The following GADL1 variants were observed in gnomAD, a reference collection of about 807,000 sequenced individuals.
GADL1 encodes the protein GAD like acidic amino acid decarboxylase 1.
Under a neutral mutation model 69.5 loss-of-function variants are expected in GADL1, and 71 were observed. That is an observed-to-expected ratio of 1.02 (90% CI 0.84 to 1.25). GADL1 has a LOEUF of 1.25. GADL1 is among the 50% of genes most tolerant of loss of function. GADL1 has a pLI of 0.00. For synonymous variants in GADL1, 254 were observed against 214.4 expected (o/e 1.18, Z -1.62); for missense variants, 737 against 631.8 (o/e 1.17, Z -1.79).
intron 13 of GADL1, among the ~76,000 whole-genome samples, chr3:30,780,062 G>A (rs751234692): frequency 1.4e-4 from 21 of 152,148 alleles, no homozygotes; most frequent in Non-Finnish European, 3.1e-4. Context: ...GCATCACGTG[G>A]CATCACAGCA....
chr3:30,746,601 G>T (rs1311218351), intron 14 of GADL1, among the ~76,000 whole-genome samples: 1 of 152,070 alleles, frequency 6.6e-6, no homozygotes, highest in East Asian at 1.9e-4. Context: ...GGTGACAGGT[G>T]GGCCAACAAT....
chr3:30,770,513 C>G (rs1696392366), intron 14 of GADL1, among the ~76,000 whole-genome samples: 1 of 152,204 alleles, frequency 6.6e-6, no homozygotes, highest in Non-Finnish European at 1.5e-5. Flanking sequence ...GCAGATTTAG[C>G]TGTGTTCCTT....
intron 14 of GADL1, among the ~76,000 whole-genome samples, chr3:30,772,378 AAG>A (rs2125492965): frequency 6.6e-6 from 1 of 152,098 alleles, no homozygotes; most frequent in Admixed American, 6.5e-5. Flanking sequence ...TTGACAAAAT[AAG>A]AAATATTCTA....
intron 13 of GADL1, among the ~76,000 whole-genome samples, chr3:30,781,317 A>G (rs1019082306): frequency 6.6e-6 from 1 of 152,240 alleles, no homozygotes; most frequent in Non-Finnish European, 1.5e-5. Flanking sequence ...CCATTTGGGA[A>G]AGAAATTAGT....
In GADL1 at chr3:30,800,850, CAGAAAGAG is replaced by C. The variant is rs779213914; in HGVS notation, c.1250+31_1250+38del. 2.5e-6 allele frequency: 3 copies of C among 1,187,886 alleles called. No individual in the cohort carries two copies. The African/African-American group carries it at 7.1e-5, about 28-fold the overall frequency. The allele number at this position is 1,187,886 out of a possible 1,614,324, so 73.6% of individuals were successfully genotyped here. On this transcript the variant is annotated intron_variant, in intron 12 of 14. Transcript: ENST00000282538. ...ACACACACACACACACACACACACA[CAGAAAGAG>C]AGAGAGAGAGAGAGAGAGAGAGGCT...
chr3:30,770,278 A>G (rs758293920), intron 14 of GADL1, among the ~76,000 whole-genome samples: 13 of 152,202 alleles, frequency 8.5e-5, no homozygotes, highest in Non-Finnish European at 1.6e-4. Context: ...AGTGGCCTAT[A>G]AGCATTAATT....
intron 6 of GADL1, 132 bp downstream of exon 6, chr3:30,849,864 A>G (rs764631824): frequency 3.5e-5 from 19 of 546,014 alleles, no homozygotes; most frequent in Non-Finnish European, 6.0e-5. Context: ...CTTTGGAATG[A>G]AATACTATGT....
intron 14 of GADL1, among the ~76,000 whole-genome samples, chr3:30,769,936 G>T (rs979542436): frequency 4.5e-5 from 2 of 43,962 alleles, no homozygotes; most frequent in African/African-American, 4.9e-4. Context: ...GACGAATTTA[G>T]GTAAGATATT....
chr3:30,780,667 G>A (rs891268686), intron 13 of GADL1, among the ~76,000 whole-genome samples: 13 of 152,124 alleles, frequency 8.5e-5, no homozygotes, highest in African/African-American at 3.1e-4. Context: ...TATTTTACAA[G>A]TTAGGACTTA....
chr3:30,866,451 C>T (rs142916611), intron 1 of GADL1, among the ~76,000 whole-genome samples: 345 of 151,990 alleles, frequency 2.3e-3, no homozygotes, highest in African/African-American at 7.8e-3. Flanking sequence ...AGAGTGAGAC[C>T]GTGTCTCAAA....
chr3:30,741,294 A>G (rs1175286984), intron 14 of GADL1, among the ~76,000 whole-genome samples: 1 of 148,896 alleles, frequency 6.7e-6, no homozygotes, highest in Admixed American at 6.8e-5. Flanking sequence ...TTATTTTCTG[A>G]TTTGATTATG....
At chr3:30,804,202 T>C (rs1397991436) in intron 11 of GADL1, among the ~76,000 whole-genome samples, 1 of 152,294 alleles carries the variant, frequency 6.6e-6, no homozygotes, top group South Asian at 2.1e-4. Flanking sequence ...GTAATATCCA[T>C]CATCAGGAAT....
intron 14 of GADL1, among the ~76,000 whole-genome samples, chr3:30,760,049 T>C (rs1337276941): frequency 6.6e-6 from 1 of 152,212 alleles, no homozygotes; most frequent in Admixed American, 6.5e-5. Context: ...TGATAAATGC[T>C]TATTGTCTCA....
chr3:30,793,220 T>A (rs1276908311), intron 12 of GADL1, among the ~76,000 whole-genome samples: 1 of 152,134 alleles, frequency 6.6e-6, no homozygotes, highest in Non-Finnish European at 1.5e-5. Context: ...GTGTTTCTAC[T>A]AAAAAGTACC....
At chr3:30,810,010 A>G (rs1697322071) in intron 11 of GADL1, among the ~76,000 whole-genome samples, 1 of 152,214 alleles carries the variant, frequency 6.6e-6, no homozygotes. Flanking sequence ...TTGCTGATAC[A>G]TGAGGTGCTT....
intron 12 of GADL1, among the ~76,000 whole-genome samples, chr3:30,795,694 A>G (rs1189260022): frequency 6.6e-6 from 1 of 152,216 alleles, no homozygotes; most frequent in African/African-American, 2.4e-5. Context: ...TTGCTAATTT[A>G]CTATAAATCT....
At chr3:30,814,620 C>T (rs1303480867) in intron 11 of GADL1, among the ~76,000 whole-genome samples, 2 of 152,036 alleles carry the variant, frequency 1.3e-5, no homozygotes, top group African/African-American at 2.4e-5. Context: ...TTTTTAGACC[C>T]CATGCTTTAA....
chr3:30,843,894 T>C (rs929700563), intron 8 of GADL1, among the ~76,000 whole-genome samples: 1 of 152,162 alleles, frequency 6.6e-6, no homozygotes, highest in Non-Finnish European at 1.5e-5. Flanking sequence ...CTGGAGAGGC[T>C]GGATTGATCC....
chr3:30,827,115 TA>T (rs1050874162), intron 11 of GADL1, among the ~76,000 whole-genome samples: 2 of 151,912 alleles, frequency 1.3e-5, no homozygotes, highest in African/African-American at 4.8e-5. Context: ...GTAAAAAATT[TA>T]AAACACATTG....
Sources: gnomAD v4.1 joint callset for allele counts (sites outside exome capture counted in the v4.1 genomes callset) on GRCh38, gnomAD v4.1.1 for gene constraint, MANE v1.5 for transcripts, NCBI Gene and HGNC (gene_info 2026-07-23, HGNC 2026-07-21) for gene names.